Variants in BRD4 observed in about 807,000 individuals in gnomAD.
BRD4 encodes bromodomain-containing protein 4.
In BRD4, 16 loss-of-function variants were observed where a neutral mutation model predicts 142.1. The observed-to-expected ratio is 0.11, with a 90% CI of 0.08 to 0.17. The LOEUF (loss-of-function observed/expected upper bound fraction) is 0.17, where lower values mean the gene tolerates loss of function less well. BRD4 is among the 10% of genes least tolerant of loss of function. The pLI is 1.00. For synonymous variants in BRD4, 833 were observed against 707.5 expected, an observed-to-expected ratio of 1.18 and a Z score of -2.82; for missense variants, 1,424 against 1,810.9, an observed-to-expected ratio of 0.79 and a Z score of 3.88.
intron 1 of BRD4, among the ~76,000 whole-genome samples, chr19:15,298,476 C>T (rs1051899539): frequency 6.6e-6 from 1 of 151,884 alleles, no homozygotes; most frequent in African/African-American, 2.4e-5. Context: ...CAAAAATTAG[C>T]CCGGCACGGT....
Position 15,255,240 on chromosome 19 carries a change from A to G in BRD4, c.2047+57T>C, listed in dbSNP as rs1420070803. The G allele has an allele frequency of 1.9e-6, 3 of 1,542,520 alleles. No homozygotes were observed. The Admixed American group carries it at 5.7e-5, about 29-fold the overall frequency. ...AAGAGTGGACTGAGCAAGGAGGGAA[A>G]AGTTACTCTGAGGGTGCCCACAGAA... On this transcript the variant is annotated intron_variant, in intron 10 of 19. Coordinates refer to ENST00000679869, the MANE Select transcript of BRD4 (RefSeq NM_001379291.1).
At chr19:15,252,459 A>AGG (rs1164375448) in intron 11 of BRD4, among the ~76,000 whole-genome samples, 2 of 152,236 alleles carry the variant, frequency 1.3e-5, no homozygotes, top group Non-Finnish European at 2.9e-5. Context: ...GGCAAGCTGG[A>AGG]GGCTTGGCTG....
At chr19:15,275,094 G>A (rs753204605) in intron 1 of BRD4, among the ~76,000 whole-genome samples, 14 of 152,036 alleles carry the variant, frequency 9.2e-5, no homozygotes, top group Non-Finnish European at 1.9e-4. Context: ...CCTGACCTCA[G>A]GTGATCCACC....
intron 1 of BRD4, among the ~76,000 whole-genome samples, chr19:15,306,375 C>A (rs981444607): frequency 1.3e-5 from 2 of 152,176 alleles, no homozygotes; most frequent in Non-Finnish European, 2.9e-5. Context: ...CTCAAGCAAT[C>A]CTCCCATCTC....
intron 1 of BRD4, among the ~76,000 whole-genome samples, chr19:15,315,098 G>A (rs2048005163): frequency 6.6e-6 from 1 of 151,930 alleles, no homozygotes; most frequent in Non-Finnish European, 1.5e-5. Context: ...TAGCTTACTA[G>A]TAGCACTGTG....
chr19:15,314,810 G>C (rs549728056), intron 1 of BRD4, among the ~76,000 whole-genome samples: 4 of 152,296 alleles, frequency 2.6e-5, no homozygotes, highest in South Asian at 2.1e-4. Flanking sequence ...CAACACTGCA[G>C]AAAGTCCCCC....
At chr19:15,308,902 C>A (rs1243373010) in intron 1 of BRD4, among the ~76,000 whole-genome samples, 1 of 151,774 alleles carries the variant, frequency 6.6e-6, no homozygotes, top group Admixed American at 6.6e-5. Context: ...GTAGCCCCAG[C>A]TACTTGGGAG....
intron 1 of BRD4, chr19:15,331,966 G>GC (rs2048165107): frequency 1.0e-5 from 1 of 96,234 alleles, no homozygotes; most frequent in Non-Finnish European, 2.2e-5. Flanking sequence ...CCGACCGCCG[G>GC]CCCCGCCGCG....
chr19:15,262,856 T>TA (rs1013856215), intron 7 of BRD4, among the ~76,000 whole-genome samples: 2 of 152,172 alleles, frequency 1.3e-5, no homozygotes, highest in African/African-American at 2.4e-5. Flanking sequence ...TTTCCTTTTT[T>TA]AAAAAAATTA....
intron 6 of BRD4, 28 bp from the exon 7 acceptor site, chr19:15,263,576 C>T: frequency 2.5e-6 from 4 of 1,612,318 alleles, no homozygotes; most frequent in Non-Finnish European, 3.4e-6. Flanking sequence ...TCCCTGTTAG[C>T]TGTGTCTGCC....
At chr19:15,257,243 A>G in intron 7 of BRD4, 70 bp from the exon 8 acceptor site, 1 of 1,421,488 alleles carries the variant, frequency 7.0e-7, no homozygotes, top group Non-Finnish European at 9.5e-7. Flanking sequence ...ACCTGCCCTC[A>G]TTGGCTGCTG....
intron 1 of BRD4, among the ~76,000 whole-genome samples, chr19:15,274,836 G>C (rs2047628577): frequency 6.6e-6 from 1 of 151,736 alleles, no homozygotes; most frequent in Non-Finnish European, 1.5e-5. Flanking sequence ...ACCAGGCCTA[G>C]ATAGGCCCTT....
intron 8 of BRD4, 51 bp downstream of exon 8, chr19:15,256,912 AC>A (rs1252191561): frequency 1.4e-6 from 2 of 1,471,704 alleles, no homozygotes; most frequent in Non-Finnish European, 9.1e-7. Context: ...TGGGGAGGCC[AC>A]CCTGGTCCAC....
chr19:15,289,903 T>C (rs545419291), intron 1 of BRD4, among the ~76,000 whole-genome samples: 44 of 152,314 alleles, frequency 2.9e-4, no homozygotes, highest in African/African-American at 8.7e-4. Flanking sequence ...CACAGGGTGC[T>C]ACAGGGCTCT....
At chr19:15,264,321 T>C (rs2047506950) in intron 6 of BRD4, 83 bp downstream of exon 6, 1 of 1,496,734 alleles carries the variant, frequency 6.7e-7, no homozygotes, top group Non-Finnish European at 8.9e-7. Flanking sequence ...GGGCTTCCTC[T>C]TGGACTAAAA....
intron 1 of BRD4, among the ~76,000 whole-genome samples, chr19:15,302,601 G>A (rs1046761047): frequency 2.7e-5 from 4 of 149,868 alleles, no homozygotes; most frequent in African/African-American, 9.9e-5. Flanking sequence ...CCCAGGAGGC[G>A]GAAGTTGCAG....
In BRD4 at chr19:15,254,209, A is replaced by C; in HGVS notation, c.2101T>G (p.Ser701Ala). Reference sequence around the variant, plus strand: ...GACTCACTGGAGCTCTCCGACTCTGAGGACGAGAAGCCCTTCATCTTGGAG... The same window carrying C: ...GACTCACTGGAGCTCTCCGACTCTGCGGACGAGAAGCCCTTCATCTTGGAG... ...GSSKMKGFSS[S>A]ESESSSESSS... Residue 701 changes from serine (S) to alanine (A), a missense_variant, in exon 11 of 20, where the codon TCA (serine) becomes GCA (alanine). Physicochemically the swap from Ser to Ala is moderately conservative, Grantham distance 99. Around this residue, in one of 16 missense-constraint regions of BRD4, gnomAD observed 598 missense variants for 647.8 expected, o/e 0.92. Coordinates refer to ENST00000679869, the MANE Select transcript of BRD4 (RefSeq NM_001379291.1). 1 of 1,614,246 alleles carries C rather than the reference A, an allele frequency of 6.2e-7. No homozygotes were observed. Among genetic ancestry groups the C allele is most frequent in the South Asian group, 1.1e-5 (1 of 91,090 alleles).
Position 15,238,900 on chromosome 19 carries a change from T to C in BRD4, c.3863A>G (p.Gln1288Arg). ...EARRRQEQQQ[Q>R]QRQEQQQQQQ... ...CTGCTGCTGTTGCTCCTGGCGCTGCTGCTGCTGCTGCTCCTGGCGCCGACG... is the reference window on the plus strand; with the variant it reads ...CTGCTGCTGTTGCTCCTGGCGCTGCCGCTGCTGCTGCTCCTGGCGCCGACG... The change falls in exon 19 of 20, where the codon CAG (glutamine) becomes CGG (arginine). Residue 1288 changes from glutamine to arginine, a missense_variant. Physicochemically the swap from Gln to Arg is conservative, Grantham distance 43. Transcript: ENST00000679869. The surrounding 1 kb of genome is among the most constrained non-coding windows in gnomAD (Gnocchi z 7.2). The C allele has an allele frequency of 6.3e-7, 1 of 1,595,352 alleles. No individual in the cohort carries two copies.
At chr19:15,247,307 T>C (rs2047297513) in intron 11 of BRD4, 1 of 230,858 alleles carries the variant, frequency 4.3e-6, no homozygotes, top group Non-Finnish European at 8.6e-6. Context: ...AGCTGGTGCG[T>C]CGAGGCCCGG....
Sources: allele counts gnomAD v4.1 joint callset (sites outside exome capture counted in the v4.1 genomes callset), GRCh38; gene constraint gnomAD v4.1.1; regional missense constraint gnomAD v4.1.1; non-coding constraint Gnocchi (gnomAD v3.1); transcripts MANE v1.5; gene names NCBI Gene and HGNC (gene_info 2026-07-23, HGNC 2026-07-21).